NOS2: variants seen among roughly 807,000 people sequenced by gnomAD.
NOS2 encodes nitric oxide synthase, inducible.
In NOS2, 96 loss-of-function variants were observed where a neutral mutation model predicts 136.0. That is an observed-to-expected ratio of 0.71 (90% CI 0.60 to 0.84). The LOEUF is 0.84. Ranked by LOEUF, NOS2 falls within the 40% of genes least tolerant of loss-of-function variation. The pLI, the probability that NOS2 is intolerant of heterozygous loss-of-function variation, is 0.00. For synonymous variants in NOS2, 539 were observed against 587.5 expected, an observed-to-expected ratio of 0.92 and a Z score of 1.20; for missense variants, 1,237 against 1,496.9, an observed-to-expected ratio of 0.83 and a Z score of 2.87.
At position 27,784,162 on chromosome 17, in the gene NOS2, T is replaced by C. The variant is rs56099237; in HGVS notation, c.468-1056A>G. On this transcript the variant is annotated intron_variant, in intron 5 of 26. Coordinates refer to ENST00000313735, the MANE Select transcript of NOS2 (RefSeq NM_000625.4). ...CACACACACACACACACACACACAC[T>C]ACCACCACCACCAACAACAACAACC... Among the ~76,000 whole-genome samples the C allele has an allele frequency of 2.2e-3, 167 of 77,578 alleles. 2 individuals carry two copies. The highest frequency in any genetic ancestry group is 0.019 in the Middle Eastern group (2 of 106). The allele number at this position is 77,578 out of a possible 152,430, so 50.9% of individuals were successfully genotyped here. A position where few individuals can be genotyped will look rare whatever the true frequency, so the allele number is the denominator to read the frequency against.
chr17:27,760,995 C>T, intron 23 of NOS2, 149 bp downstream of exon 23: 1 of 851,758 alleles, frequency 1.2e-6, no homozygotes, highest in Non-Finnish European at 1.8e-6. Context: ...GCTGTCCCTG[C>T]TACAGGCAGC....
chr17:27,784,393 T>C (rs1403323103), intron 5 of NOS2, among the ~76,000 whole-genome samples: 1 of 152,086 alleles, frequency 6.6e-6, no homozygotes, highest in Non-Finnish European at 1.5e-5. Flanking sequence ...ACCCCTGCCA[T>C]AAGGAGCTGC....
intron 2 of NOS2, among the ~76,000 whole-genome samples, chr17:27,791,914 G>T (rs1040917101): frequency 6.6e-6 from 1 of 152,062 alleles, no homozygotes; most frequent in African/African-American, 2.4e-5. Flanking sequence ...GGGTCCCCAG[G>T]GGACAACTGC....
chr17:27,773,833 C>A (rs891911703), intron 12 of NOS2, among the ~76,000 whole-genome samples: 1 of 152,298 alleles, frequency 6.6e-6, no homozygotes, highest in South Asian at 2.1e-4. Context: ...AACCCCCCGT[C>A]GTGGAGTGAA....
chr17:27,773,334 C>T, intron 12 of NOS2, 91 bp from the exon 13 acceptor site: 1 of 837,980 alleles, frequency 1.2e-6, no homozygotes, highest in Non-Finnish European at 2.0e-6. Context: ...CCTTCACACC[C>T]ATCATGAGCC....
intron 14 of NOS2, 57 bp from the exon 15 acceptor site, chr17:27,771,074 C>G: frequency 7.9e-7 from 1 of 1,271,400 alleles, no homozygotes; most frequent in South Asian, 1.2e-5. Flanking sequence ...CCTCCCTACC[C>G]TGCGCAGACA....
chr17:27,768,745 G>A (rs1908392382), intron 17 of NOS2, among the ~76,000 whole-genome samples: 1 of 152,234 alleles, frequency 6.6e-6, no homozygotes. Context: ...GGGGGTATCT[G>A]TGCCACCTTC....
Position 27,783,173 on chromosome 17 carries a change from C to T in NOS2, c.468-67G>A. 1.9e-6 allele frequency: 3 copies of T among 1,544,618 alleles called. No homozygotes were observed. In the South Asian group the frequency reaches 3.5e-5, roughly 18 times the overall value. On this transcript the variant is annotated intron_variant, in intron 5 of 26. Coordinates refer to ENST00000313735, the MANE Select transcript of NOS2 (RefSeq NM_000625.4). ...GCCTTACATGGGGATTAATTCAATC[C>T]ACAGAAGCAGGAACTGAAATAGGAC...
intron 23 of NOS2, 26 bp downstream of exon 23, chr17:27,761,118 G>A (rs202060064): frequency 7.8e-6 from 12 of 1,541,648 alleles, no homozygotes; most frequent in Non-Finnish European, 1.0e-5. Context: ...CGGCCCCACA[G>A]GGGACAGAGT....
At chr17:27,773,995 C>T (rs921618386) in intron 12 of NOS2, among the ~76,000 whole-genome samples, 4 of 152,308 alleles carry the variant, frequency 2.6e-5, no homozygotes, top group South Asian at 2.1e-4. Flanking sequence ...CCGGGCCCTC[C>T]CGTGGAAGCA....
chr17:27,774,419 C>G lies in NOS2; in HGVS notation c.1314G>C (p.Ser438=). The change falls in exon 12 of 27, where the codon TCG becomes TCC. Residue 438 remains serine (S), a synonymous_variant. Coordinates refer to ENST00000313735, the MANE Select transcript of NOS2 (RefSeq NM_000625.4). The stretch of plus-strand genomic sequence containing the variant: ...TGTACTTCATGAAGGATTCTGCAGC[C>G]GAGTGGTGGTCCATGATGGTCACAT... ...KQNVTIMDHH[S]AAESFMKYMQ... is the part of the protein sequence containing the mutation. The G allele has an allele frequency of 6.5e-7, 1 of 1,528,646 alleles. No individual in the cohort carries two copies. Among genetic ancestry groups the G allele is most frequent in the Non-Finnish European group, 8.8e-7 (1 of 1,136,186 alleles). 94.7% of individuals were successfully genotyped at this position (1,528,646 alleles called of 1,614,324 possible).
chr17:27,789,198 A>G (rs1242487221), intron 3 of NOS2, among the ~76,000 whole-genome samples: 4 of 152,208 alleles, frequency 2.6e-5, no homozygotes, highest in African/African-American at 9.7e-5. Flanking sequence ...CTAAAGACTA[A>G]GTTGGAGGTG....
intron 5 of NOS2, among the ~76,000 whole-genome samples, chr17:27,785,257 T>C (rs1390467385): frequency 6.6e-6 from 1 of 152,168 alleles, no homozygotes; most frequent in Non-Finnish European, 1.5e-5. Flanking sequence ...GGTGCACACG[T>C]GCTTTATGCT....
chr17:27,785,890 C>G (rs545586443), intron 5 of NOS2, among the ~76,000 whole-genome samples: 2 of 139,772 alleles, frequency 1.4e-5, no homozygotes, highest in Non-Finnish European at 3.0e-5. Flanking sequence ...TCCAGGAGAT[C>G]GAGGCTGCAG....
At position 27,763,078 on chromosome 17, in the gene NOS2, T is replaced by C. The variant is rs28944188; in HGVS notation, c.2593-73A>G. ...TGGGGAAAAGACTGTCACAACCCAG[T>C]ATTCATTCATTCATTCACTCACTCA... On this transcript the variant is annotated intron_variant, in intron 21 of 26. Transcript: ENST00000313735. The C allele has an allele frequency of 4.2e-4, 404 of 971,912 alleles. 5 individuals carry two copies. In the African/African-American group the frequency reaches 5.5e-3, roughly 13 times the overall value. The allele number at this position is 971,912 out of a possible 1,614,324, so 60.2% of individuals were successfully genotyped here.
At chr17:27,789,557 CTGG>C (rs915169188) in intron 3 of NOS2, 44 bp downstream of exon 3, 2 of 1,435,128 alleles carry the variant, frequency 1.4e-6, no homozygotes, top group African/African-American at 2.8e-5. Flanking sequence ...CTGCATCTGC[CTGG>C]ACCAGGGAGG....
At chr17:27,775,327 G>C (rs1192006263) in intron 11 of NOS2, among the ~76,000 whole-genome samples, 1 of 152,076 alleles carries the variant, frequency 6.6e-6, no homozygotes, top group Non-Finnish European at 1.5e-5. Context: ...GCCAGCTGTC[G>C]GGGCTTACAC....
chr17:27,797,098 G>A (rs1429477744), intron 2 of NOS2, among the ~76,000 whole-genome samples: 1 of 152,190 alleles, frequency 6.6e-6, no homozygotes, highest in Non-Finnish European at 1.5e-5. Context: ...GCCAAGCACA[G>A]TCAGGCTCAT....
At chr17:27,793,709 G>C in intron 2 of NOS2, 2 of 394,354 alleles carry the variant, frequency 5.1e-6, no homozygotes, top group Non-Finnish European at 9.0e-6. Flanking sequence ...CGGCTCCTTA[G>C]GCGCAGCTCC....
Sources: gnomAD v4.1 joint callset for allele counts (sites outside exome capture counted in the v4.1 genomes callset) on GRCh38, gnomAD v4.1.1 for gene constraint, MANE v1.5 for transcripts, NCBI Gene and HGNC (gene_info 2026-07-23, HGNC 2026-07-21) for gene names.